SPAG1: variants seen among roughly 807,000 people sequenced by gnomAD.
SPAG1 encodes the protein sperm associated antigen 1, also known as sperm-associated antigen 1.
In SPAG1, 69 loss-of-function variants were observed where a neutral mutation model predicts 100.5. The observed-to-expected ratio is 0.69, with a 90% CI of 0.57 to 0.84. The LOEUF is 0.84. Among genes scored for constraint, SPAG1 ranks in the 40% least tolerant of loss-of-function variants. SPAG1 has a pLI of 0.00. For synonymous variants in SPAG1, 336 were observed against 411.6 expected (o/e 0.82, Z 2.22); for missense variants, 955 against 1,133.1 (o/e 0.84, Z 2.26).
intron 12 of SPAG1, among the ~76,000 whole-genome samples, chr8:100,215,020 T>C (rs1410910262): frequency 3.2e-5 from 2 of 62,264 alleles, no homozygotes; most frequent in Non-Finnish European, 6.6e-5. Flanking sequence ...TATATATATA[T>C]ATATATATAT....
intron 8 of SPAG1, among the ~76,000 whole-genome samples, chr8:100,189,937 T>G (rs980543869): frequency 6.6e-6 from 1 of 152,230 alleles, no homozygotes; most frequent in Non-Finnish European, 1.5e-5. Context: ...TTTTCATAGC[T>G]CATTCTAACA....
chr8:100,230,624 T>C (rs1461876255), intron 14 of SPAG1, among the ~76,000 whole-genome samples: 2 of 152,196 alleles, frequency 1.3e-5, no homozygotes, highest in Non-Finnish European at 2.9e-5. Flanking sequence ...ATTACTTGTA[T>C]CTTATTTTAT....
At position 100,213,279 on chromosome 8, in the gene SPAG1, G is replaced by A; in HGVS notation, c.1286G>A (p.Gly429Asp). 2.5e-6 allele frequency: 3 copies of A among 1,215,728 alleles called. No individual in the cohort carries two copies. The highest frequency in any genetic ancestry group is 3.1e-6 in the Non-Finnish European group (3 of 980,236). The allele number at this position is 1,215,728 out of a possible 1,614,324, so 75.3% of individuals were successfully genotyped here. A position where few individuals can be genotyped will look rare whatever the true frequency, so the allele number is the denominator to read the frequency against. ...PRRASAAAAAGGGATGHPGGG... is the reference protein window; with the variant it reads ...PRRASAAAAADGGATGHPGGG... ...CGGGCCTCTGCGGCGGCGGCGGCGG[G>A]CGGCGGCGCCACCGGGCATCCGGGC... The change falls in exon 11 of 19, where the codon GGC becomes GAC. Residue 429 changes from glycine to aspartate, a missense_variant. Coordinates refer to ENST00000388798, the MANE Select transcript of SPAG1 (RefSeq NM_003114.5).
chr8:100,194,123 A>G lies in SPAG1; in HGVS notation c.951A>G (p.Ser317=), dbSNP rs1183893267. ...PDNDLAKKTL[S]EVERDLKNSE... ...TAATTATGTTGCAGAAAACCTTGTC[A>G]GAGGTTGAAAGAGATCTGAAAAATT... The change falls in exon 10 of 19, where the codon TCA becomes TCG. Residue 317 remains serine, a synonymous_variant. Transcript: ENST00000388798. 4.5e-6 allele frequency: 7 copies of G among 1,543,184 alleles called. No homozygotes were observed. The highest frequency in any genetic ancestry group is 6.1e-6 in the Non-Finnish European group (7 of 1,142,112).
In SPAG1 at chr8:100,208,806, G is replaced by A. The variant is rs146596132; in HGVS notation, c.1097-4284G>A. On this transcript the variant is annotated intron_variant, in intron 10 of 18. Coordinates refer to ENST00000388798, the MANE Select transcript of SPAG1 (RefSeq NM_003114.5). ...TTGGTGCATTTCTGGTTGTACAAAG[G>A]ATAGTTGTATTATGTTAGGTGTAAT... 2.2e-3 allele frequency among the ~76,000 whole-genome samples: 328 copies of A among 152,242 alleles called. 2 individuals are homozygous for A. The highest frequency in any genetic ancestry group is 7.2e-3 in the African/African-American group (301 of 41,526).
At chr8:100,182,366 G>A (rs1348292462) in intron 4 of SPAG1, among the ~76,000 whole-genome samples, 1 of 152,200 alleles carries the variant, frequency 6.6e-6, no homozygotes, top group African/African-American at 2.4e-5. Flanking sequence ...GTCCTTCCTT[G>A]GAATTTCTCT....
chr8:100,201,946 T>C (rs558702483), intron 10 of SPAG1, among the ~76,000 whole-genome samples: 2 of 152,312 alleles, frequency 1.3e-5, no homozygotes, highest in East Asian at 1.9e-4. Flanking sequence ...AGCAAATTAA[T>C]TGAACTCAAA....
chr8:100,213,071 C>G lies in SPAG1; in HGVS notation c.1097-19C>G, dbSNP rs1817796704. On this transcript the variant is annotated intron_variant, in intron 10 of 18. Coordinates refer to ENST00000388798, the MANE Select transcript of SPAG1 (RefSeq NM_003114.5). ...CCCGGTGATGCAAACCCTCACTTCC[C>G]GCATCCACTTCCTCACAGAGCCCGC... is the stretch of plus-strand genomic sequence containing the variant. 6.9e-7 allele frequency: 1 copy of G among 1,446,298 alleles called. No homozygotes were observed. Among genetic ancestry groups the G allele is most frequent in the East Asian group, 3.0e-5 (1 of 32,824 alleles). 89.6% of individuals were successfully genotyped at this position (1,446,298 alleles called of 1,614,324 possible).
chr8:100,212,960 A>AGGGGCGGTGCCC, intron 10 of SPAG1, 130 bp from the exon 11 acceptor site: 1 of 667,020 alleles, frequency 1.5e-6, no homozygotes, highest in Non-Finnish European at 2.2e-6. Context: ...CTCCGCCCGC[A>AGGGGCGGTGCCC]GGGGCGGTGC....
chr8:100,220,232 G>C (rs1431862991), intron 12 of SPAG1, 47 bp from the exon 13 acceptor site: 2 of 1,530,174 alleles, frequency 1.3e-6, no homozygotes, highest in South Asian at 2.4e-5. Context: ...ATAAACGAAA[G>C]AGCATTTTTC....
intron 15 of SPAG1, among the ~76,000 whole-genome samples, chr8:100,232,324 G>A (rs1818812178): frequency 6.6e-6 from 1 of 151,962 alleles, no homozygotes; most frequent in South Asian, 2.1e-4. Context: ...TCTTTCCCTA[G>A]AATTCTCATA....
chr8:100,214,999 A>G (rs1277154902), intron 12 of SPAG1, among the ~76,000 whole-genome samples: 1 of 3,078 alleles, frequency 3.2e-4, no homozygotes, highest in South Asian at 7.5e-3. Context: ...ATATATATAT[A>G]TATATATATA....
chr8:100,176,635 G>T (rs1191163027), intron 3 of SPAG1, among the ~76,000 whole-genome samples: 1 of 152,178 alleles, frequency 6.6e-6, no homozygotes, highest in African/African-American at 2.4e-5. Flanking sequence ...GAAGTGCTGG[G>T]ATTACAGGCG....
At chr8:100,183,660 T>C (rs1177658912) in intron 5 of SPAG1, among the ~76,000 whole-genome samples, 1 of 152,086 alleles carries the variant, frequency 6.6e-6, no homozygotes, top group Admixed American at 6.5e-5. Flanking sequence ...CCAAAAAAAC[T>C]AATGTATTTT....
chr8:100,217,957 A>AT lies in SPAG1; in HGVS notation c.1536-2312dup, dbSNP rs1021763430. Among the ~76,000 whole-genome samples, 847 of 147,968 alleles carry AT rather than the reference A, an allele frequency of 5.7e-3. 11 individuals are homozygous for AT. Among genetic ancestry groups the AT allele is most frequent in the African/African-American group, 0.02 (795 of 40,444 alleles). ...ACCACCTAACCCAGCTAATTTTTGTATTTTTTTTTTAGTAGAAACAGGGTT... is the reference window on the plus strand; with the variant it reads ...ACCACCTAACCCAGCTAATTTTTGTATTTTTTTTTTTAGTAGAAACAGGGTT... On this transcript the variant is annotated intron_variant, in intron 12 of 18. Coordinates refer to ENST00000388798, the MANE Select transcript of SPAG1 (RefSeq NM_003114.5).
chr8:100,198,385 C>G (rs938144374), intron 10 of SPAG1, among the ~76,000 whole-genome samples: 1 of 151,932 alleles, frequency 6.6e-6, no homozygotes, highest in African/African-American at 2.4e-5. Context: ...GGAAAGATGG[C>G]AAAGGGTTGA....
chr8:100,196,094 T>C (rs1292902933), intron 10 of SPAG1, among the ~76,000 whole-genome samples: 1 of 152,222 alleles, frequency 6.6e-6, no homozygotes, highest in Admixed American at 6.5e-5. Flanking sequence ...CCATTAATAG[T>C]TGTACCAAAG....
intron 10 of SPAG1, among the ~76,000 whole-genome samples, chr8:100,205,745 G>A (rs1323050570): frequency 6.6e-6 from 1 of 152,090 alleles, no homozygotes; most frequent in African/African-American, 2.4e-5. Context: ...GGCTGGGCAT[G>A]GTGGTTCATG....
chr8:100,206,347 CTT>C (rs1817517413), intron 10 of SPAG1, among the ~76,000 whole-genome samples: 1 of 152,214 alleles, frequency 6.6e-6, no homozygotes, highest in South Asian at 2.1e-4. Context: ...ACCAATATAC[CTT>C]TACTGTCCTA....
Sources: allele counts gnomAD v4.1 joint callset (sites outside exome capture counted in the v4.1 genomes callset), GRCh38; gene constraint gnomAD v4.1.1; transcripts MANE v1.5; gene names NCBI Gene and HGNC (gene_info 2026-07-23, HGNC 2026-07-21).